Variants in KAT6B observed in about 807,000 individuals in gnomAD.
KAT6B encodes the protein lysine acetyltransferase 6B, also known as histone acetyltransferase KAT6B.
Under a neutral mutation model 187.5 loss-of-function variants are expected in KAT6B, and 10 were observed. That is an observed-to-expected ratio of 0.05 (90% confidence interval 0.03 to 0.09). KAT6B has a LOEUF of 0.09. KAT6B is among the 10% of genes least tolerant of loss of function. The probability of loss-of-function intolerance (pLI) is 1.00; values close to 1 mark genes in which losing one functional copy is unlikely to be tolerated. For synonymous variants in KAT6B, 861 were observed against 926.8 expected, an observed-to-expected ratio of 0.93 and a Z score of 1.29; for missense variants, 1,952 against 2,558.9, an observed-to-expected ratio of 0.76 and a Z score of 5.12.
intron 13 of KAT6B, among the ~76,000 whole-genome samples, chr10:74,998,016 G>A (rs1843558242): frequency 6.6e-6 from 1 of 152,220 alleles, no homozygotes; most frequent in Admixed American, 6.5e-5. Flanking sequence ...GGAGGCTAAG[G>A]CAGGAGAATC....
At chr10:74,898,505 G>T (rs1437257142) in intron 3 of KAT6B, among the ~76,000 whole-genome samples, 1 of 151,748 alleles carries the variant, frequency 6.6e-6, no homozygotes, top group Admixed American at 6.6e-5. Flanking sequence ...AGGCTGGAGC[G>T]CAGTGGCTGA....
At chr10:74,939,108 C>A (rs1849475052) in intron 3 of KAT6B, among the ~76,000 whole-genome samples, 1 of 151,810 alleles carries the variant, frequency 6.6e-6, no homozygotes. Flanking sequence ...CTTTAGTTAT[C>A]TTTTTAGTGT....
chr10:75,028,877 G>C lies in KAT6B; in HGVS notation c.4053G>C (p.Glu1351Asp), dbSNP rs1314906622. Residue 1351 changes from glutamate to aspartate, a missense_variant, in exon 18 of 18, where the codon GAG (glutamate) becomes GAC (aspartate). Coordinates refer to ENST00000287239, the MANE Select transcript of KAT6B (RefSeq NM_012330.4). ...CAGAAGATGATCTCATCAAACCTGA[G>C]GAAGAGGAAGAGGAGGAGGAGGAGG... Reference protein sequence around the residue: ...EKPEDDLIKPEEEEEEEEEEE... With the variant: ...EKPEDDLIKPDEEEEEEEEEE... 9.9e-6 allele frequency: 16 copies of C among 1,613,216 alleles called. No homozygotes were observed. Among genetic ancestry groups the C allele is most frequent in the Admixed American group, 1.7e-5 (1 of 59,922 alleles).
chr10:74,891,198 C>G (rs974805851), intron 3 of KAT6B, among the ~76,000 whole-genome samples: 3 of 152,232 alleles, frequency 2.0e-5, no homozygotes, highest in African/African-American at 7.2e-5. Context: ...TCTTTTAAAC[C>G]TGGCCACCTT....
chr10:74,870,884 G>GTT (rs796788129), intron 3 of KAT6B, among the ~76,000 whole-genome samples: 3 of 108,024 alleles, frequency 2.8e-5, no homozygotes, highest in East Asian at 3.0e-4. Flanking sequence ...GCGTTTTTTT[G>GTT]TTTTTTTTTT....
Position 74,889,203 on chromosome 10 carries a change from A to G in KAT6B, c.621+45725A>G, listed in dbSNP as rs561611620. 2.9e-4 allele frequency among the ~76,000 whole-genome samples: 44 copies of G among 152,180 alleles called. 1 individual carries two copies. The highest frequency in any genetic ancestry group is 5.9e-5 in the Non-Finnish European group (4 of 68,028). On this transcript the variant is annotated intron_variant, in intron 3 of 17. Coordinates refer to ENST00000287239, the MANE Select transcript of KAT6B (RefSeq NM_012330.4). ...TCATCTATGTTGTCAAATTTTTTTT[A>G]CAGTGAAATTATATTCCATTATTGT...
intron 3 of KAT6B, among the ~76,000 whole-genome samples, chr10:74,882,312 A>G (rs986001236): frequency 6.6e-6 from 1 of 152,096 alleles, no homozygotes; most frequent in Non-Finnish European, 1.5e-5. Flanking sequence ...ATTTTCTTGC[A>G]TGTTTGACTT....
intron 13 of KAT6B, among the ~76,000 whole-genome samples, chr10:75,012,058 T>G (rs973081220): frequency 6.6e-6 from 1 of 152,152 alleles, no homozygotes; most frequent in African/African-American, 2.4e-5. Flanking sequence ...GTCATGAGGT[T>G]GGGTGGAACA....
chr10:74,973,142 C>G (rs997340155), intron 7 of KAT6B, among the ~76,000 whole-genome samples: 12 of 152,150 alleles, frequency 7.9e-5, no homozygotes, highest in Non-Finnish European at 1.6e-4. Flanking sequence ...CTGCAGATGA[C>G]CACTTACCTC....
At position 74,963,712 on chromosome 10, in the gene KAT6B, A is replaced by G. The variant is rs1307734742; in HGVS notation, c.730+3634A>G. Among the ~76,000 whole-genome samples, 3 of 152,222 alleles carry G rather than the reference A, an allele frequency of 2.0e-5. No individual in the cohort carries two copies. The East Asian group carries it at 5.8e-4, about 29-fold the overall frequency. ...TATTTTAAAAGACCACTAGTTTCTT[A>G]AGGTCACCCCAGGAGTTGGTTGCTT... On this transcript the variant is annotated intron_variant, in intron 4 of 17. Coordinates refer to ENST00000287239, the MANE Select transcript of KAT6B (RefSeq NM_012330.4).
rs535739239 is a variant in KAT6B, at chr10:74,885,249, T to A, written c.621+41771T>A. Among the ~76,000 whole-genome samples the A allele has an allele frequency of 5.3e-3, 799 of 151,628 alleles. 2 individuals carry two copies. Among genetic ancestry groups the A allele is most frequent in the Middle Eastern group, 0.034 (10 of 294 alleles). ...TACCTGGCTAATTAAAAAAAAAAAATTTTGTAGATATGGGGTCTCTCTATG... is the reference window on the plus strand; with the variant it reads ...TACCTGGCTAATTAAAAAAAAAAAAATTTGTAGATATGGGGTCTCTCTATG... On this transcript the variant is annotated intron_variant, in intron 3 of 17. Transcript: ENST00000287239.
intron 13 of KAT6B, among the ~76,000 whole-genome samples, chr10:74,998,183 A>C (rs2133943541): frequency 7.3e-6 from 1 of 137,240 alleles, no homozygotes; most frequent in Middle Eastern, 3.5e-3. Flanking sequence ...CAAATTATGG[A>C]GCTCAAGCAT....
At chr10:74,954,352 C>T (rs1013297141) in intron 3 of KAT6B, among the ~76,000 whole-genome samples, 23 of 151,996 alleles carry the variant, frequency 1.5e-4, no homozygotes, top group African/African-American at 5.3e-4. Flanking sequence ...TTAATGGATA[C>T]AGAGTTTCAG....
At position 74,849,349 on chromosome 10, in the gene KAT6B, G is replaced by A. The variant is rs1488366633; in HGVS notation, c.621+5871G>A. On this transcript the variant is annotated intron_variant, in intron 3 of 17. Coordinates refer to ENST00000287239, the MANE Select transcript of KAT6B (RefSeq NM_012330.4). ...CACTCTGTCATCCAGACTGGAGTAC[G>A]CTGGTGCCATCTCAGCTCACTGCAA... Among the ~76,000 whole-genome samples, 5 of 150,534 alleles carry A rather than the reference G, an allele frequency of 3.3e-5. No homozygotes were observed. The South Asian group carries it at 6.3e-4, about 19-fold the overall frequency.
In KAT6B at chr10:75,031,174, A is replaced by T; in HGVS notation, c.*128A>T. ...GCAAAAACATTTGTTGGCACCATTT[A>T]TTTAAAAAAAAAAAAAGCTGTATGC... is the stretch of plus-strand genomic sequence containing the variant. On this transcript the variant is annotated 3_prime_UTR_variant, in exon 18 of 18. Coordinates refer to ENST00000287239, the MANE Select transcript of KAT6B (RefSeq NM_012330.4). 9.7e-7 allele frequency: 1 copy of T among 1,032,168 alleles called. No individual in the cohort carries two copies. Among genetic ancestry groups the T allele is most frequent in the Non-Finnish European group, 1.4e-6 (1 of 708,966 alleles). 63.9% of individuals were successfully genotyped at this position (1,032,168 alleles called of 1,614,324 possible). A position where few individuals can be genotyped will look rare whatever the true frequency, so the allele number is the denominator to read the frequency against.
chr10:74,841,770 A>G (rs1007444924), intron 2 of KAT6B, among the ~76,000 whole-genome samples: 1 of 152,190 alleles, frequency 6.6e-6, no homozygotes, highest in African/African-American at 2.4e-5. Flanking sequence ...TTGGACACCA[A>G]GATTAGAGCT....
intron 3 of KAT6B, among the ~76,000 whole-genome samples, chr10:74,860,196 C>G (rs186081148): frequency 5.9e-4 from 89 of 152,124 alleles, no homozygotes; most frequent in African/African-American, 2.0e-3. Context: ...CCTTCTCTCT[C>G]CTGAAATCCA....
intron 3 of KAT6B, among the ~76,000 whole-genome samples, chr10:74,905,429 G>A (rs575859768): frequency 7.2e-5 from 11 of 152,310 alleles, no homozygotes; most frequent in African/African-American, 2.2e-4. Context: ...TAGGCTAATA[G>A]ACGATGACAT....
chr10:75,021,231 A>G lies in KAT6B; in HGVS notation c.2967A>G (p.Pro989=), dbSNP rs1378948724. The stretch of plus-strand genomic sequence containing the variant: ...ATCCAGACAGTCTGAGGTGGACCCC[A>G]ATTTTAATTTCTAATGCTGCAGTGT... ...ELDPDSLRWT[P]ILISNAAVSE... is the part of the protein sequence containing the mutation. Residue 989 remains proline, a synonymous_variant, in exon 15 of 18, where the codon CCA becomes CCG. Coordinates refer to ENST00000287239, the MANE Select transcript of KAT6B (RefSeq NM_012330.4). 1.2e-6 allele frequency: 2 copies of G among 1,614,190 alleles called. No individual in the cohort carries two copies. The highest frequency in any genetic ancestry group is 2.2e-5 in the East Asian group (1 of 44,874).
Sources: gnomAD v4.1 joint callset for allele counts (sites outside exome capture counted in the v4.1 genomes callset) on GRCh38, gnomAD v4.1.1 for gene constraint, MANE v1.5 for transcripts, NCBI Gene and HGNC (gene_info 2026-07-23, HGNC 2026-07-21) for gene names.